Variants in CACNA1I observed in about 807,000 individuals in gnomAD.
The protein encoded by CACNA1I is voltage-dependent T-type calcium channel subunit alpha-1I.
Under a neutral mutation model 201.6 loss-of-function variants are expected in CACNA1I, and 74 were observed. That is an observed-to-expected ratio of 0.37 (90% CI 0.30 to 0.45). The LOEUF is 0.45. Among genes scored for constraint, CACNA1I ranks in the 20% least tolerant of loss-of-function variants. The pLI is 1.00. For synonymous variants in CACNA1I, 1,431 were observed against 1,345.2 expected (o/e 1.06, Z -1.40); for missense variants, 2,346 against 3,138.1 (o/e 0.75, Z 6.03).
Position 39,684,887 on chromosome 22 carries a change from C to A in CACNA1I, c.6027+389C>A. 2.4e-6 allele frequency: 1 copy of A among 419,690 alleles called. No individual in the cohort carries two copies. Among genetic ancestry groups the A allele is most frequent in the Non-Finnish European group, 4.3e-6 (1 of 232,230 alleles). 26.0% of individuals were successfully genotyped at this position (419,690 alleles called of 1,614,324 possible). On this transcript the variant is annotated intron_variant, in intron 36 of 36. Transcript: ENST00000402142. The surrounding 1 kb of genome is among the most constrained non-coding windows in gnomAD (Gnocchi z 4.6). The stretch of plus-strand genomic sequence containing the variant: ...GTGGGTGTGAGTGGGGGCTTGATTA[C>A]TAGGAATGGAGGTGGGAGGGCGGGT...
chr22:39,591,036 A>T lies in CACNA1I; in HGVS notation c.237-7115A>T, dbSNP rs549462848. Among the ~76,000 whole-genome samples the T allele has an allele frequency of 1.1e-4, 16 of 149,396 alleles. No homozygotes were observed. In the South Asian group the frequency reaches 3.4e-3, roughly 31 times the overall value. ...TTAAAAAATTTTTTTTTTTTTTTGC[A>T]GATATGAGGTCTCACTATGTTGCCC... On this transcript the variant is annotated intron_variant, in intron 1 of 36. Coordinates refer to ENST00000402142, the MANE Select transcript of CACNA1I (RefSeq NM_021096.4).
rs1192347718 is a variant in CACNA1I, at chr22:39,662,123, T to G, written c.3060T>G (p.Val1020=). The G allele has an allele frequency of 1.3e-6, 2 of 1,527,056 alleles. No homozygotes were observed. The highest frequency in any genetic ancestry group is 1.8e-4 in the Middle Eastern group (1 of 5,656). 94.6% of individuals were successfully genotyped at this position (1,527,056 alleles called of 1,614,324 possible). Residue 1020 remains valine, a synonymous_variant, in exon 17 of 37, where the codon GTT becomes GTG. Transcript: ENST00000402142. ...GCGGCGGCGCCCGGGTCTGCGAGGT[T>G]GCCGCGGACGAGGGGCCGCCGCGGG... is the stretch of plus-strand genomic sequence containing the variant. The part of the protein sequence containing the change: ...ERGGGARVCE[V]AADEGPPRAA...
intron 1 of CACNA1I, among the ~76,000 whole-genome samples, chr22:39,577,272 G>A (rs1730065949): frequency 6.6e-6 from 1 of 152,238 alleles, no homozygotes; most frequent in Admixed American, 6.5e-5. Context: ...CTGACTTCAG[G>A]TAATCTGCGC....
chr22:39,660,289 TG>T, intron 14 of CACNA1I, 54 bp from the exon 15 acceptor site: 1 of 1,363,110 alleles, frequency 7.3e-7, no homozygotes, highest in Non-Finnish European at 1.0e-6. Context: ...TAGAGGGAGC[TG>T]GGAAGGGAGG....
chr22:39,575,297 C>T (rs1322527480), intron 1 of CACNA1I, among the ~76,000 whole-genome samples: 2 of 152,190 alleles, frequency 1.3e-5, no homozygotes, highest in Non-Finnish European at 2.9e-5. Context: ...CATTTCCGAG[C>T]CCCAGTTTCC....
intron 1 of CACNA1I, among the ~76,000 whole-genome samples, chr22:39,597,129 T>C (rs1022973646): frequency 8.5e-5 from 13 of 152,202 alleles, no homozygotes; most frequent in African/African-American, 3.1e-4. Flanking sequence ...CTGCCTCTTT[T>C]CAAGTAGGCA....
chr22:39,655,536 G>T (rs1029425441), intron 10 of CACNA1I, among the ~76,000 whole-genome samples: 25 of 152,032 alleles, frequency 1.6e-4, no homozygotes, highest in African/African-American at 5.3e-4. Flanking sequence ...CTTTCTGGCC[G>T]TACCTATGGT....
At chr22:39,599,575 C>T (rs1271648363) in intron 2 of CACNA1I, among the ~76,000 whole-genome samples, 5 of 132,038 alleles carry the variant, frequency 3.8e-5, no homozygotes, top group Non-Finnish European at 6.2e-5. Context: ...GCCGAGATCC[C>T]GCCACTGCAC....
chr22:39,662,172 GC>G lies in CACNA1I; in HGVS notation c.3112del (p.His1038ThrfsTer96). 6.5e-7 allele frequency: 1 copy of G among 1,531,726 alleles called. No homozygotes were observed. Among genetic ancestry groups the G allele is most frequent in the Non-Finnish European group, 8.8e-7 (1 of 1,142,298 alleles). 94.9% of individuals were successfully genotyped at this position (1,531,726 alleles called of 1,614,324 possible). A position where few individuals can be genotyped will look rare whatever the true frequency, so the allele number is the denominator to read the frequency against. On this transcript the variant is annotated frameshift_variant, in exon 17 of 37. Coordinates refer to ENST00000402142, the MANE Select transcript of CACNA1I (RefSeq NM_021096.4). LOFTEE classifies it high-confidence loss of function. ...GGCCGCACCCCTGCACACCCCACAC[GC>G]CCACCACATTCATCACGGGCCCCAT... is the stretch of plus-strand genomic sequence containing the variant. ...PRAAPLHTPH[A>X]HHIHHGPHLA...
At chr22:39,634,748 T>C in intron 5 of CACNA1I, 24 bp downstream of exon 5, 1 of 1,607,456 alleles carries the variant, frequency 6.2e-7, no homozygotes, top group Non-Finnish European at 8.5e-7. Flanking sequence ...CTGCCACCCA[T>C]GCAGCTCCGG....
intron 1 of CACNA1I, chr22:39,587,619 A>G: frequency 2.8e-6 from 1 of 358,178 alleles, no homozygotes. Context: ...ATGAGGTTCA[A>G]ATCCTGGCTC....
intron 18 of CACNA1I, 119 bp from the exon 19 acceptor site, chr22:39,663,599 G>C (rs918775877): frequency 1.1e-5 from 13 of 1,207,056 alleles, no homozygotes; most frequent in Non-Finnish European, 1.5e-5. Context: ...CAGAGGAGAG[G>C]ATAGGGGTTG....
chr22:39,641,900 C>T (rs1296070757), intron 6 of CACNA1I, among the ~76,000 whole-genome samples: 2 of 152,170 alleles, frequency 1.3e-5, no homozygotes, highest in East Asian at 3.9e-4. Context: ...CAGCCCCCCT[C>T]ACCTTGGGTC....
intron 24 of CACNA1I, among the ~76,000 whole-genome samples, chr22:39,669,282 G>T (rs943971441): frequency 1.2e-4 from 19 of 152,302 alleles, no homozygotes; most frequent in African/African-American, 4.6e-4. Context: ...ACGTGGGGGT[G>T]GCAGTATTGT....
chr22:39,658,375 A>C, intron 11 of CACNA1I, 72 bp downstream of exon 11: 1 of 1,430,882 alleles, frequency 7.0e-7, no homozygotes, highest in Non-Finnish European at 9.7e-7. Context: ...CCCAGCCAGC[A>C]TATAAAGGAC....
chr22:39,618,840 G>A (rs1933642509), intron 3 of CACNA1I, among the ~76,000 whole-genome samples: 1 of 152,124 alleles, frequency 6.6e-6, no homozygotes, highest in African/African-American at 2.4e-5. Context: ...GCCTCTTGAG[G>A]GAGATCTGGG....
intron 7 of CACNA1I, 34 bp downstream of exon 7, chr22:39,642,923 C>A: frequency 6.9e-7 from 1 of 1,449,126 alleles, no homozygotes; most frequent in Non-Finnish European, 9.6e-7. Flanking sequence ...CCTAGGTGTG[C>A]TCAGAACCCA....
At position 39,677,964 on chromosome 22, in the gene CACNA1I, G is replaced by T; in HGVS notation, c.4934-23G>T. ...CGCAGGCACTCCGCCATCGGGCAGG[G>T]CTGACCTCCTCCCCGCTTCCAGTCT... On this transcript the variant is annotated intron_variant, in intron 30 of 36. Coordinates refer to ENST00000402142, the MANE Select transcript of CACNA1I (RefSeq NM_021096.4). The surrounding 1 kb of genome is among the most constrained non-coding windows in gnomAD (Gnocchi z 4.8). 1 of 1,570,116 alleles carries T rather than the reference G, an allele frequency of 6.4e-7. No homozygotes were observed.
intron 1 of CACNA1I, among the ~76,000 whole-genome samples, chr22:39,590,660 T>C (rs1932810226): frequency 6.6e-6 from 1 of 152,180 alleles, no homozygotes; most frequent in African/African-American, 2.4e-5. Context: ...TTGCAGCCAG[T>C]GAGAGGCAGT....
Sources: allele counts gnomAD v4.1 joint callset (sites outside exome capture counted in the v4.1 genomes callset), GRCh38; gene constraint gnomAD v4.1.1; non-coding constraint Gnocchi (gnomAD v3.1); transcripts MANE v1.5; gene names NCBI Gene and HGNC (gene_info 2026-07-23, HGNC 2026-07-21).